FH: variants seen among roughly 807,000 people sequenced by gnomAD.
FH encodes the protein fumarate hydratase, mitochondrial.
A neutral mutation model predicts 49.4 loss-of-function variants in FH; 22 were observed. That is an observed-to-expected ratio of 0.45 (90% CI 0.32 to 0.64). FH has a LOEUF of 0.64. Ranked by LOEUF, FH falls within the 30% of genes least tolerant of loss-of-function variation. FH has a pLI of 0.05. For missense variants in FH, 526 were observed against 641.5 expected (o/e 0.82, Z 1.95); for synonymous variants, 208 against 223.0 (o/e 0.93, Z 0.60).
chr1:241,499,961 G>T (rs1659727748), intron 9 of FH, among the ~76,000 whole-genome samples: 1 of 152,088 alleles, frequency 6.6e-6, no homozygotes, highest in Non-Finnish European at 1.5e-5. Context: ...TATAAGCAAT[G>T]AATACATAAA....
At chr1:241,509,886 A>G (rs1457358745) in intron 4 of FH, among the ~76,000 whole-genome samples, 4 of 152,182 alleles carry the variant, frequency 2.6e-5, no homozygotes, top group African/African-American at 9.7e-5. Flanking sequence ...CATTATTTAT[A>G]TATTTTGACG....
intron 9 of FH, 54 bp from the exon 10 acceptor site, chr1:241,498,024 T>G: frequency 6.3e-7 from 1 of 1,577,174 alleles, no homozygotes; most frequent in Non-Finnish European, 8.7e-7. Context: ...TTTGGTTTCC[T>G]AAAGCAAAAG....
At chr1:241,509,874 T>C (rs1166917690) in intron 4 of FH, among the ~76,000 whole-genome samples, 1 of 151,932 alleles carries the variant, frequency 6.6e-6, no homozygotes, top group African/African-American at 2.4e-5. Flanking sequence ...TTTAAAAAGA[T>C]ACATTATTTA....
intron 1 of FH, among the ~76,000 whole-genome samples, chr1:241,517,899 T>G (rs1660262694): frequency 6.6e-6 from 1 of 152,224 alleles, no homozygotes; most frequent in South Asian, 2.1e-4. Context: ...AATGCATTTT[T>G]AATAATCAAT....
At chr1:241,498,930 A>G (rs750420535) in intron 9 of FH, among the ~76,000 whole-genome samples, 6 of 151,410 alleles carry the variant, frequency 4.0e-5, no homozygotes, top group Non-Finnish European at 8.8e-5. Context: ...TTATTACTTA[A>G]CTGAATTTGT....
chr1:241,500,319 T>C (rs1472058174), intron 9 of FH, 118 bp downstream of exon 9: 3 of 981,242 alleles, frequency 3.1e-6, no homozygotes, highest in Admixed American at 3.6e-5. Context: ...GAGATTTTAC[T>C]AAAACCATAT....
At chr1:241,511,881 C>CA (rs1660092558) in intron 4 of FH, 86 bp downstream of exon 4, 3 of 1,337,030 alleles carry the variant, frequency 2.2e-6, no homozygotes, top group Non-Finnish European at 2.1e-6. Context: ...CACTTCTTGT[C>CA]AAAAAGTGAA....
chr1:241,513,746 C>A (rs937593415), intron 2 of FH, 33 bp from the exon 3 acceptor site: 2 of 1,552,778 alleles, frequency 1.3e-6, no homozygotes, highest in Non-Finnish European at 1.8e-6. Flanking sequence ...TTCAAATTTA[C>A]AATTTTACTT....
Position 241,504,192 on chromosome 1 carries a change from C to T in FH, c.958G>A (p.Ala320Thr), listed in dbSNP as rs766441385. 10 of 1,614,148 alleles carry T rather than the reference C, an allele frequency of 6.2e-6. No individual in the cohort carries two copies. The highest frequency in any genetic ancestry group is 3.3e-5 in the Admixed American group (2 of 60,020). The change falls in exon 7 of 10, where the codon GCT becomes ACT. Residue 320 changes from alanine to threonine, a missense_variant. Ala to Thr is a moderately conservative substitution (Grantham distance 58, BLOSUM62 0). Around this residue, in one of 2 missense-constraint regions of FH, gnomAD observed 383 missense variants for 514.0 expected, o/e 0.75. Transcript: ENST00000366560. The part of the protein sequence containing the change: ...NKFEALAAHD[A>T]LVELSGAMNT... ...ATGGCTCCACTGAGCTCAACCAGAGCGTCATGAGCAGCCAGAGCTTCAAAT... is the reference window on the plus strand; with the variant it reads ...ATGGCTCCACTGAGCTCAACCAGAGTGTCATGAGCAGCCAGAGCTTCAAAT...
rs1483487511 is a variant in FH at position 241,512,913 on chromosome 1, GT to G, written c.378+689del. Among the ~76,000 whole-genome samples, 80 of 84,040 alleles carry G rather than the reference GT, an allele frequency of 9.5e-4. 1 individual carries two copies. The highest frequency in any genetic ancestry group is 9.0e-3 in the South Asian group (14 of 1,556). The allele number at this position is 84,040 out of a possible 152,430, so 55.1% of individuals were successfully genotyped here. A position where few individuals can be genotyped will look rare whatever the true frequency, so the allele number is the denominator to read the frequency against. On this transcript the variant is annotated intron_variant, in intron 3 of 9. Coordinates refer to ENST00000366560, the MANE Select transcript of FH (RefSeq NM_000143.4). Reference sequence around the variant, plus strand: ...AGTCTCTATCTCATGCAATGAGGGTGTGTGTGTGTGTGTGTGTGTGTGTGTA... The same window carrying G: ...AGTCTCTATCTCATGCAATGAGGGTGGTGTGTGTGTGTGTGTGTGTGTGTA...
intron 4 of FH, among the ~76,000 whole-genome samples, chr1:241,509,571 T>C (rs1378713994): frequency 6.6e-6 from 1 of 152,124 alleles, no homozygotes; most frequent in African/African-American, 2.4e-5. Context: ...GCCAGGAGTT[T>C]AAGACCAGCC....
At chr1:241,506,630 G>A (rs1228120557) in intron 5 of FH, among the ~76,000 whole-genome samples, 1 of 152,182 alleles carries the variant, frequency 6.6e-6, no homozygotes, top group Non-Finnish European at 1.5e-5. Context: ...CAATTTCAGT[G>A]TATAAACCTA....
Position 241,517,311 on chromosome 1 carries a change from G to C in FH, c.138C>G (p.Ser46Arg), listed in dbSNP as rs1211942353. The change falls in exon 2 of 10, where the codon AGC becomes AGG. Residue 46 changes from serine to arginine, a missense_variant. Transcript: ENST00000366560. ...CATATTCTATCCGGAAGGAATTTTGGCTTGCCTAAAGACAAGAATACAACA... is the reference window on the plus strand; with the variant it reads ...CATATTCTATCCGGAAGGAATTTTGCCTTGCCTAAAGACAAGAATACAACA... ...FWPPNAARMA[S>R]QNSFRIEYDT... The C allele has an allele frequency of 2.5e-6, 4 of 1,613,842 alleles. No homozygotes were observed. The South Asian group carries it at 4.4e-5, about 18-fold the overall frequency.
At chr1:241,512,908 A>AGG (rs35416457) in intron 3 of FH, among the ~76,000 whole-genome samples, 12 of 129,806 alleles carry the variant, frequency 9.2e-5, no homozygotes, top group South Asian at 8.3e-4. Flanking sequence ...TCATGCAATG[A>AGG]GGGTGTGTGT....
chr1:241,517,459 T>G, intron 1 of FH, 143 bp from the exon 2 acceptor site: 2 of 879,506 alleles, frequency 2.3e-6, no homozygotes, highest in Non-Finnish European at 3.5e-6. Context: ...CTCATTCTCT[T>G]CCTCACTTTC....
chr1:241,519,037 C>T (rs1660294107), intron 1 of FH: 1 of 152,574 alleles, frequency 6.6e-6, no homozygotes, highest in Non-Finnish European at 1.5e-5. Context: ...GAAGTAAAAT[C>T]TTCGAAGAAC....
chr1:241,507,303 T>C (rs1362271346), intron 5 of FH, among the ~76,000 whole-genome samples: 1 of 152,178 alleles, frequency 6.6e-6, no homozygotes, highest in African/African-American at 2.4e-5. Flanking sequence ...CCTAGGTGTA[T>C]AGAAGGCTAT....
rs201969999 is a variant in FH at position 241,498,506 on chromosome 1, CTA to C, written c.1391-538_1391-537del. Among the ~76,000 whole-genome samples the C allele has an allele frequency of 3.6e-3, 551 of 151,512 alleles. 1 individual carries two copies. Among genetic ancestry groups the C allele is most frequent in the African/African-American group, 0.012 (502 of 41,266 alleles). On this transcript the variant is annotated intron_variant, in intron 9 of 9. Transcript: ENST00000366560. The stretch of plus-strand genomic sequence containing the variant: ...CAGAGCTGCTTCCAATGGCTCTTCT[CTA>C]TGTGGCTCTCCACTGCAATGGCTTC...
chr1:241,509,139 A>C (rs995791646), intron 4 of FH, among the ~76,000 whole-genome samples: 1 of 143,884 alleles, frequency 7.0e-6, no homozygotes, highest in Non-Finnish European at 1.5e-5. Flanking sequence ...AATACAGAGA[A>C]GTATAGTTAA....
Sources: allele counts gnomAD v4.1 joint callset (sites outside exome capture counted in the v4.1 genomes callset), GRCh38; gene constraint gnomAD v4.1.1; regional missense constraint gnomAD v4.1.1; transcripts MANE v1.5; gene names NCBI Gene and HGNC (gene_info 2026-07-23, HGNC 2026-07-21).